The following CEMIP variants were observed in gnomAD, a reference collection of about 807,000 sequenced individuals.
The protein encoded by CEMIP is cell migration-inducing and hyaluronan-binding protein.
A neutral mutation model predicts 156.9 loss-of-function variants in CEMIP; 105 were observed. The ratio of observed to expected loss-of-function variants is 0.67; its 90% CI spans 0.57 to 0.79. CEMIP has a LOEUF of 0.79. Ranked by LOEUF, CEMIP falls within the 30% of genes least tolerant of loss-of-function variation. CEMIP has a pLI of 0.00. For synonymous variants in CEMIP, 676 were observed against 668.4 expected (o/e 1.01, Z -0.17); for missense variants, 1,457 against 1,769.4 (o/e 0.82, Z 3.17).
At chr15:80,846,520 G>A (rs1897561981) in intron 1 of CEMIP, among the ~76,000 whole-genome samples, 2 of 152,252 alleles carry the variant, frequency 1.3e-5, no homozygotes, top group Admixed American at 1.3e-4. Context: ...CAAGGGAACT[G>A]ATGTTCAAAC....
At chr15:80,851,347 A>G (rs1897711021) in intron 1 of CEMIP, among the ~76,000 whole-genome samples, 1 of 152,194 alleles carries the variant, frequency 6.6e-6, no homozygotes, top group African/African-American at 2.4e-5. Context: ...TCATTTGTTC[A>G]TTGATCCGTT....
chr15:80,835,465 G>T (rs1034103503), intron 1 of CEMIP, among the ~76,000 whole-genome samples: 3 of 152,198 alleles, frequency 2.0e-5, no homozygotes, highest in Non-Finnish European at 2.9e-5. Flanking sequence ...TCAGGTCCCG[G>T]GTCTGGGTGA....
intron 1 of CEMIP, among the ~76,000 whole-genome samples, chr15:80,783,784 C>A (rs1895856709): frequency 6.6e-6 from 1 of 152,208 alleles, no homozygotes; most frequent in South Asian, 2.1e-4. Flanking sequence ...TGTGCCCTGG[C>A]ACCAGGCTTT....
intron 12 of CEMIP, among the ~76,000 whole-genome samples, chr15:80,900,588 GTGTGTGTGTGTGTGT>G (rs1899447502): frequency 7.0e-5 from 4 of 56,922 alleles, no homozygotes; most frequent in African/African-American, 2.5e-4. Context: ...AGGTAGGGGT[GTGTGTGTGTGTGTGT>G]GTGTGTGTGT....
chr15:80,923,980 AAG>A, intron 17 of CEMIP, among the ~76,000 whole-genome samples: 1 of 152,354 alleles, frequency 6.6e-6, no homozygotes, highest in East Asian at 1.9e-4. Flanking sequence ...TTATCTAAAA[AAG>A]AGAAATCTGA....
At chr15:80,874,042 C>T (rs1454485548) in intron 3 of CEMIP, 69 bp downstream of exon 3, 2 of 1,438,716 alleles carry the variant, frequency 1.4e-6, no homozygotes, top group East Asian at 2.5e-5. Flanking sequence ...TGGAGCAAGG[C>T]TGCTTTTGGG....
intron 1 of CEMIP, among the ~76,000 whole-genome samples, chr15:80,857,235 A>C (rs903441024): frequency 3.9e-5 from 6 of 152,058 alleles, no homozygotes. Context: ...GGAAGGCTGC[A>C]CTCTCTGAAC....
rs1895805529 is a variant in CEMIP, at chr15:80,781,795, A to G, written c.-176+2181A>G. The stretch of plus-strand genomic sequence containing the variant: ...TGCTATGAGAATTACAGTAATTGGT[A>G]CAATGTAAAGCATTTAATCCAGTGC... On this transcript the variant is annotated intron_variant, in intron 1 of 29. Transcript: ENST00000394685. Among the ~76,000 whole-genome samples, 3 of 152,350 alleles carry G rather than the reference A, an allele frequency of 2.0e-5. No individual in the cohort carries two copies. In the South Asian group the frequency reaches 6.2e-4, roughly 32 times the overall value.
intron 14 of CEMIP, chr15:80,909,601 A>T (rs1439557320): frequency 2.0e-6 from 1 of 502,098 alleles, no homozygotes; most frequent in Non-Finnish European, 3.9e-6. Flanking sequence ...TCTGGAGATC[A>T]TTCCACGGCC....
chr15:80,905,394 C>T (rs985576676), intron 12 of CEMIP, among the ~76,000 whole-genome samples: 1 of 152,150 alleles, frequency 6.6e-6, no homozygotes, highest in Non-Finnish European at 1.5e-5. Context: ...CTCTTTATTC[C>T]ATAAAAGAGT....
At chr15:80,828,333 T>C in intron 1 of CEMIP, among the ~76,000 whole-genome samples, 1 of 152,020 alleles carries the variant, frequency 6.6e-6, no homozygotes, top group East Asian at 1.9e-4. Flanking sequence ...TGAGCTGAGA[T>C]TGTGCCACTG....
At chr15:80,866,344 C>T (rs542390981) in intron 1 of CEMIP, among the ~76,000 whole-genome samples, 262 of 152,146 alleles carry the variant, frequency 1.7e-3, no homozygotes, top group Non-Finnish European at 3.3e-3. Context: ...AATCCCAGCA[C>T]TTTGGGAGGT....
At chr15:80,837,537 A>G (rs1327990316) in intron 1 of CEMIP, among the ~76,000 whole-genome samples, 3 of 152,220 alleles carry the variant, frequency 2.0e-5, no homozygotes, top group Non-Finnish European at 4.4e-5. Context: ...ACATACAGTC[A>G]AAACTCAGAT....
intron 1 of CEMIP, among the ~76,000 whole-genome samples, chr15:80,827,712 G>A (rs943603899): frequency 6.6e-6 from 1 of 152,176 alleles, no homozygotes; most frequent in African/African-American, 2.4e-5. Context: ...CTTTGCTACT[G>A]AGAATTAGGA....
At chr15:80,833,673 CT>C (rs34449516) in intron 1 of CEMIP, among the ~76,000 whole-genome samples, 27,779 of 132,424 alleles carry the variant, frequency 0.21, 2,343 homozygotes, top group East Asian at 0.36. Context: ...TTTTTTTTTT[CT>C]TTTTTTTTTT....
intron 14 of CEMIP, among the ~76,000 whole-genome samples, chr15:80,911,639 A>G (rs368531956): frequency 2.5e-4 from 38 of 152,312 alleles, no homozygotes; most frequent in African/African-American, 8.9e-4. Flanking sequence ...GCAGGTCTTC[A>G]GTTTCCTCAC....
intron 3 of CEMIP, among the ~76,000 whole-genome samples, 199 bp from the exon 4 acceptor site, chr15:80,878,522 A>G (rs183631116): frequency 6.6e-6 from 1 of 152,220 alleles, no homozygotes; most frequent in Non-Finnish European, 1.5e-5. Context: ...TGATGAATTC[A>G]TGCAAAATAT....
intron 27 of CEMIP, 130 bp downstream of exon 27, chr15:80,942,467 C>T (rs1273436823): frequency 3.8e-6 from 3 of 788,342 alleles, no homozygotes; most frequent in Non-Finnish European, 6.6e-6. Flanking sequence ...CTCCAGGGGG[C>T]TTGGGGCGGG....
chr15:80,940,220 C>T (rs541670176), intron 25 of CEMIP, among the ~76,000 whole-genome samples: 1 of 152,346 alleles, frequency 6.6e-6, no homozygotes, highest in South Asian at 2.1e-4. Flanking sequence ...CCTTCCAGGG[C>T]TTTGCAGTTC....
Sources: allele counts gnomAD v4.1 joint callset (sites outside exome capture counted in the v4.1 genomes callset), GRCh38; gene constraint gnomAD v4.1.1; transcripts MANE v1.5; gene names NCBI Gene and HGNC (gene_info 2026-07-23, HGNC 2026-07-21).